The following TMEM132D variants were observed in gnomAD, a reference collection of about 807,000 sequenced individuals.
TMEM132D encodes transmembrane protein 132D, also known as mature OL transmembrane protein.
In TMEM132D, 21 loss-of-function variants were observed where a neutral mutation model predicts 62.3. That is an observed-to-expected ratio of 0.34 (90% confidence interval 0.24 to 0.49). The LOEUF is 0.49. Ranked by LOEUF, TMEM132D falls within the 20% of genes least tolerant of loss-of-function variation. The probability of loss-of-function intolerance (pLI) is 0.99; values close to 1 mark genes in which losing one functional copy is unlikely to be tolerated. For synonymous variants in TMEM132D, 621 were observed against 575.6 expected (o/e 1.08, Z -1.13); for missense variants, 1,346 against 1,402.8 (o/e 0.96, Z 0.65).
intron 4 of TMEM132D, among the ~76,000 whole-genome samples, chr12:129,286,238 A>G (rs1171794209): frequency 6.6e-6 from 1 of 152,242 alleles, no homozygotes. Flanking sequence ...ACGGCAAAGC[A>G]GAAGGAGTAC....
chr12:129,664,953 G>C (rs1337271733), intron 2 of TMEM132D, among the ~76,000 whole-genome samples: 6 of 152,114 alleles, frequency 3.9e-5, no homozygotes. Flanking sequence ...GAATGTAAAT[G>C]CTATTATCCC....
chr12:129,151,608 T>C (rs1877074275), intron 5 of TMEM132D, among the ~76,000 whole-genome samples: 1 of 152,204 alleles, frequency 6.6e-6, no homozygotes, highest in South Asian at 2.1e-4. Context: ...TCTCTACTAA[T>C]TGACAAGTAG....
intron 1 of TMEM132D, among the ~76,000 whole-genome samples, chr12:129,740,139 C>G (rs764230291): frequency 3.3e-5 from 5 of 152,114 alleles, no homozygotes; most frequent in Non-Finnish European, 7.4e-5. Flanking sequence ...CTCCTGCTAC[C>G]CTGGGGTCAG....
At chr12:129,289,928 G>A (rs1449327872) in intron 4 of TMEM132D, among the ~76,000 whole-genome samples, 2 of 152,158 alleles carry the variant, frequency 1.3e-5, no homozygotes, top group Admixed American at 1.3e-4. Context: ...AGACTAAGCA[G>A]ACGCAGCCAC....
intron 1 of TMEM132D, among the ~76,000 whole-genome samples, chr12:129,731,853 A>G (rs12812632): frequency 0.46 from 69,329 of 151,884 alleles, 16,035 homozygotes; most frequent in East Asian, 0.61. Context: ...TAGTAGAGAC[A>G]GGGTTTCACC....
intron 4 of TMEM132D, among the ~76,000 whole-genome samples, chr12:129,325,520 T>A (rs1315955163): frequency 6.6e-6 from 1 of 152,166 alleles, no homozygotes; most frequent in African/African-American, 2.4e-5. Context: ...TGAGTTAGGC[T>A]TTAGGTGGTT....
chr12:129,850,004 C>T (rs1873489352), intron 1 of TMEM132D, among the ~76,000 whole-genome samples: 1 of 152,142 alleles, frequency 6.6e-6, no homozygotes, highest in Non-Finnish European at 1.5e-5. Flanking sequence ...ACGCATATAG[C>T]AATAGTCTTC....
rs182528224 is a variant in TMEM132D at position 129,261,085 on chromosome 12, C to T, written c.1300-51422G>A. Among the ~76,000 whole-genome samples, 5 of 152,332 alleles carry T rather than the reference C, an allele frequency of 3.3e-5. No homozygotes were observed. The East Asian group carries it at 9.7e-4, about 29-fold the overall frequency. ...TACTTTTAGTTCTTTAAGGAATCTC[C>T]ACACTGTTTTCCATAGTGGTTGTGC... On this transcript the variant is annotated intron_variant, in intron 4 of 8. Transcript: ENST00000422113.
At chr12:129,199,538 ATGT>A (rs1376319856) in intron 5 of TMEM132D, among the ~76,000 whole-genome samples, 1 of 152,236 alleles carries the variant, frequency 6.6e-6, no homozygotes, top group Non-Finnish European at 1.5e-5. Flanking sequence ...GGAACCAGAA[ATGT>A]TGTTTTCTCT....
chr12:129,300,662 A>G (rs1247059323), intron 4 of TMEM132D, among the ~76,000 whole-genome samples: 1 of 152,168 alleles, frequency 6.6e-6, no homozygotes, highest in Admixed American at 6.5e-5. Context: ...ATTTATTAAC[A>G]AAGAGATACT....
intron 3 of TMEM132D, among the ~76,000 whole-genome samples, chr12:129,514,207 C>T (rs1265272371): frequency 6.6e-6 from 1 of 152,108 alleles, no homozygotes; most frequent in Non-Finnish European, 1.5e-5. Flanking sequence ...CAGTAGGCTA[C>T]TTCAAGACTT....
At chr12:129,782,020 T>G (rs527994318) in intron 1 of TMEM132D, among the ~76,000 whole-genome samples, 1 of 152,322 alleles carries the variant, frequency 6.6e-6, no homozygotes, top group South Asian at 2.1e-4. Flanking sequence ...GGAGCATTCA[T>G]GACGAGGTTA....
At position 129,073,788 on chromosome 12, in the gene TMEM132D, T is replaced by C. The variant is rs1393151475; in HGVS notation, c.*87A>G. The C allele has an allele frequency of 1.6e-6, 2 of 1,224,248 alleles. No individual in the cohort carries two copies. The highest frequency in any genetic ancestry group is 2.3e-6 in the Non-Finnish European group (2 of 872,468). 75.8% of individuals were successfully genotyped at this position (1,224,248 alleles called of 1,614,324 possible). On this transcript the variant is annotated 3_prime_UTR_variant, in exon 9 of 9. Transcript: ENST00000422113. ...TCATCCTTATTTTGTCCTGCTGCTTTGTTTCTCTTCCGGGGGCACCGTTGC... is the reference window on the plus strand; with the variant it reads ...TCATCCTTATTTTGTCCTGCTGCTTCGTTTCTCTTCCGGGGGCACCGTTGC...
At chr12:129,339,318 G>A (rs1355685769) in intron 3 of TMEM132D, among the ~76,000 whole-genome samples, 1 of 140,438 alleles carries the variant, frequency 7.1e-6, no homozygotes, top group African/African-American at 2.6e-5. Flanking sequence ...GGAAGGGGAG[G>A]AGGAAAAGAA....
chr12:129,560,517 G>A (rs155708), intron 2 of TMEM132D, among the ~76,000 whole-genome samples: 127,395 of 152,036 alleles, frequency 0.84, 53,483 homozygotes, highest in East Asian at 0.95. Context: ...TGATCCACCC[G>A]CCTCAGCCTC....
intron 3 of TMEM132D, among the ~76,000 whole-genome samples, chr12:129,372,734 C>A (rs1313233043): frequency 6.6e-6 from 1 of 151,800 alleles, no homozygotes; most frequent in Non-Finnish European, 1.5e-5. Flanking sequence ...TCTCCTGTCT[C>A]CCCCAGATGG....
At chr12:129,672,543 G>T (rs1164670391) in intron 2 of TMEM132D, among the ~76,000 whole-genome samples, 1 of 152,184 alleles carries the variant, frequency 6.6e-6, no homozygotes. Context: ...GGTAACCAAA[G>T]TTCCCCAGAG....
chr12:129,144,667 A>G lies in TMEM132D; in HGVS notation c.1444-59965T>C, dbSNP rs541856773. Among the ~76,000 whole-genome samples the G allele has an allele frequency of 7.7e-5, 11 of 142,744 alleles. 1 individual carries two copies. In the South Asian group the frequency reaches 2.2e-3, roughly 28 times the overall value. 93.6% of individuals were successfully genotyped at this position (142,744 alleles called of 152,430 possible). The stretch of plus-strand genomic sequence containing the variant: ...CCAAATCATCCCTCTCTCTTGACCT[A>G]TCTATTGAGCTTATCTATCATCTAT... On this transcript the variant is annotated intron_variant, in intron 5 of 8. Transcript: ENST00000422113.
chr12:129,102,344 G>A (rs1875337924), intron 5 of TMEM132D, among the ~76,000 whole-genome samples: 1 of 147,434 alleles, frequency 6.8e-6, no homozygotes, highest in Non-Finnish European at 1.5e-5. Flanking sequence ...GCACACACAT[G>A]CATTCACATA....
Sources: allele counts gnomAD v4.1 joint callset (sites outside exome capture counted in the v4.1 genomes callset), GRCh38; gene constraint gnomAD v4.1.1; transcripts MANE v1.5; gene names NCBI Gene and HGNC (gene_info 2026-07-23, HGNC 2026-07-21).